CSMD3: variants seen among roughly 807,000 people sequenced by gnomAD.
CSMD3 encodes the protein CUB and sushi domain-containing protein 3.
Under a neutral mutation model 435.2 loss-of-function variants are expected in CSMD3, and 177 were observed. That is an observed-to-expected ratio of 0.41 (90% CI 0.36 to 0.46). The LOEUF is 0.46. Ranked by LOEUF, CSMD3 falls within the 20% of genes least tolerant of loss-of-function variation. The pLI, the probability that CSMD3 is intolerant of heterozygous loss-of-function variation, is 0.34. For synonymous variants in CSMD3, 1,656 were observed against 1,520.5 expected, an observed-to-expected ratio of 1.09 and a Z score of -2.07; for missense variants, 4,265 against 4,504.6, an observed-to-expected ratio of 0.95 and a Z score of 1.52.
At chr8:112,850,184 T>C (rs1187278090) in intron 11 of CSMD3, among the ~76,000 whole-genome samples, 1 of 152,192 alleles carries the variant, frequency 6.6e-6, no homozygotes, top group Non-Finnish European at 1.5e-5. Context: ...CCAATATTTT[T>C]CAGTGTGTGC....
chr8:113,108,868 T>C (rs2090558610), intron 4 of CSMD3, among the ~76,000 whole-genome samples: 1 of 152,192 alleles, frequency 6.6e-6, no homozygotes, highest in Admixed American at 6.5e-5. Context: ...GTCTCCCAAA[T>C]TAATCTATGG....
At chr8:112,811,099 T>C (rs182205577) in intron 12 of CSMD3, among the ~76,000 whole-genome samples, 148 of 152,134 alleles carry the variant, frequency 9.7e-4, no homozygotes, top group Non-Finnish European at 1.6e-3. Context: ...ATTATATTTC[T>C]GATAATTACC....
rs941138359 is a variant in CSMD3 at position 113,353,071 on chromosome 8, T to A, written c.179-38278A>T. Among the ~76,000 whole-genome samples the A allele has an allele frequency of 2.6e-5, 4 of 152,110 alleles. No homozygotes were observed. In the South Asian group the frequency reaches 8.3e-4, roughly 32 times the overall value. ...TGTTGAGGAGAGGTGAGTTTCAAAG[T>A]AGTGCCAGTGATGATGGAGGAATGA... On this transcript the variant is annotated intron_variant, in intron 1 of 70. Coordinates refer to ENST00000297405, the MANE Select transcript of CSMD3 (RefSeq NM_198123.2).
chr8:112,312,750 T>A (rs1184446407), intron 49 of CSMD3, among the ~76,000 whole-genome samples: 2 of 152,140 alleles, frequency 1.3e-5, no homozygotes, highest in Non-Finnish European at 2.9e-5. Context: ...ATCAAGGGAA[T>A]TAAACAGAAT....
intron 20 of CSMD3, among the ~76,000 whole-genome samples, chr8:112,642,810 T>A (rs911069346): frequency 4.6e-5 from 7 of 152,178 alleles, no homozygotes; most frequent in Middle Eastern, 3.2e-3. Context: ...ATGATTTAGA[T>A]TACTACAAAC....
At chr8:112,844,543 C>A (rs1022541184) in intron 11 of CSMD3, among the ~76,000 whole-genome samples, 13 of 151,910 alleles carry the variant, frequency 8.6e-5, no homozygotes, top group African/African-American at 2.9e-4. Flanking sequence ...TACATTTGTC[C>A]TTTGTTTTCC....
At chr8:112,858,224 A>C (rs2080721787) in intron 11 of CSMD3, among the ~76,000 whole-genome samples, 1 of 151,748 alleles carries the variant, frequency 6.6e-6, no homozygotes, top group Non-Finnish European at 1.5e-5. Context: ...CTTTACTAAC[A>C]ACTGTGTTTG....
intron 22 of CSMD3, among the ~76,000 whole-genome samples, chr8:112,625,947 G>A (rs1834440881): frequency 6.6e-6 from 1 of 151,962 alleles, no homozygotes; most frequent in South Asian, 2.1e-4. Flanking sequence ...TGACCCATAT[G>A]TTCCTTCTTG....
In CSMD3 at chr8:112,800,142, A is replaced by G. The variant is rs767739482; in HGVS notation, c.1972+20T>C. 4.9e-6 allele frequency: 7 copies of G among 1,431,472 alleles called. No individual in the cohort carries two copies. In the Admixed American group the frequency reaches 1.2e-4, roughly 24 times the overall value. The allele number at this position is 1,431,472 out of a possible 1,614,324, so 88.7% of individuals were successfully genotyped here. ...TGGTGGTATTAAGATAACATTTCCT[A>G]TGTAGAAATTAATCATTACCTTTGT... On this transcript the variant is annotated intron_variant, in intron 13 of 70. Transcript: ENST00000297405.
At chr8:113,067,014 A>G (rs371544426) in intron 5 of CSMD3, among the ~76,000 whole-genome samples, 1 of 152,128 alleles carries the variant, frequency 6.6e-6, no homozygotes, top group East Asian at 1.9e-4. Flanking sequence ...TCATTTTTAG[A>G]GCCTCCTGGT....
chr8:113,433,530 C>A (rs1274075407), intron 1 of CSMD3, among the ~76,000 whole-genome samples: 2 of 152,216 alleles, frequency 1.3e-5, no homozygotes, highest in Non-Finnish European at 2.9e-5. Flanking sequence ...GGAGTAGTAT[C>A]TCCTTGGAGT....
chr8:113,432,878 C>T (rs953656999), intron 1 of CSMD3, among the ~76,000 whole-genome samples: 4 of 152,200 alleles, frequency 2.6e-5, no homozygotes, highest in Non-Finnish European at 4.4e-5. Flanking sequence ...CTCACACCCA[C>T]CCTCGGAGAC....
intron 3 of CSMD3, among the ~76,000 whole-genome samples, chr8:113,243,591 T>A (rs573088923): frequency 6.6e-5 from 10 of 152,234 alleles, no homozygotes; most frequent in African/African-American, 2.4e-4. Flanking sequence ...AAGTTTTTGT[T>A]TGTATCCCTG....
At chr8:112,235,009 ATAAAT>A (rs1025316434) in intron 67 of CSMD3, among the ~76,000 whole-genome samples, 1 of 152,184 alleles carries the variant, frequency 6.6e-6, no homozygotes, top group African/African-American at 2.4e-5. Flanking sequence ...AGAGAATGTG[ATAAAT>A]TAAAAGCCAG....
chr8:112,602,698 T>A (rs966545909), intron 22 of CSMD3, among the ~76,000 whole-genome samples: 1 of 151,852 alleles, frequency 6.6e-6, no homozygotes, highest in African/African-American at 2.4e-5. Flanking sequence ...ATATTTAGTA[T>A]GTTATATGTA....
intron 5 of CSMD3, among the ~76,000 whole-genome samples, chr8:113,029,171 T>C (rs4876506): frequency 0.56 from 84,896 of 151,048 alleles, 25,725 homozygotes; most frequent in East Asian, 0.95. Context: ...CAGGACCATA[T>C]GGATTCACAG....
At chr8:112,663,292 A>G (rs1417762445) in intron 17 of CSMD3, among the ~76,000 whole-genome samples, 1 of 152,112 alleles carries the variant, frequency 6.6e-6, no homozygotes, top group East Asian at 1.9e-4. Context: ...TACACCATGG[A>G]ATACTATGCA....
At chr8:113,186,514 C>T (rs779364153) in intron 3 of CSMD3, among the ~76,000 whole-genome samples, 1 of 152,030 alleles carries the variant, frequency 6.6e-6, no homozygotes, top group Admixed American at 6.6e-5. Flanking sequence ...TTATAGGACG[C>T]TTTCCCATTG....
intron 11 of CSMD3, among the ~76,000 whole-genome samples, chr8:112,837,223 T>A (rs1463380589): frequency 1.3e-5 from 2 of 151,788 alleles, no homozygotes; most frequent in African/African-American, 4.8e-5. Flanking sequence ...AAGTCTGTAT[T>A]TGTTAATTCA....
Sources: allele counts gnomAD v4.1 joint callset (sites outside exome capture counted in the v4.1 genomes callset), GRCh38; gene constraint gnomAD v4.1.1; transcripts MANE v1.5; gene names NCBI Gene and HGNC (gene_info 2026-07-23, HGNC 2026-07-21).